BLTP1: variants seen among roughly 807,000 people sequenced by gnomAD.
BLTP1 encodes bridge-like lipid transfer protein family member 1, also known as fragile site-associated protein.
the BLTP1 span, chr4:122,175,895 C>T: frequency 6.5e-7 from 1 of 1,529,006 alleles, no homozygotes; most frequent in Non-Finnish European, 9.0e-7. Context: ...AAATGTATAA[C>T]CCAAAACAGA....
the BLTP1 span, among the ~76,000 whole-genome samples, chr4:122,358,141 T>C: frequency 6.6e-6 from 1 of 152,230 alleles, no homozygotes; most frequent in South Asian, 2.1e-4. Context: ...CAATCCTTTT[T>C]GTTTTTATGC....
At chr4:122,312,739 TC>T in the BLTP1 span, 4 of 554,168 alleles carry the variant, frequency 7.2e-6, no homozygotes, top group Non-Finnish European at 9.2e-6. Context: ...GAAAGATTTT[TC>T]CCTTTTGAAA....
chr4:122,281,807 A>C, the BLTP1 span: 1 of 1,455,836 alleles, frequency 6.9e-7, no homozygotes, highest in Non-Finnish European at 9.1e-7. Flanking sequence ...CTCTCTTAAA[A>C]TTTATGATTT....
At chr4:122,197,895 T>TA in the BLTP1 span, 1 of 826,434 alleles carries the variant, frequency 1.2e-6, no homozygotes, top group African/African-American at 1.8e-5. Flanking sequence ...ATCAAATTGT[T>TA]ATAACTTCAT....
At chr4:122,186,941 C>G in the BLTP1 span, 1 of 856,796 alleles carries the variant, frequency 1.2e-6, no homozygotes, top group African/African-American at 1.8e-5. Flanking sequence ...ATTTTCATTT[C>G]ATTAAGGGAA....
At chr4:122,212,741 C>T in the BLTP1 span, among the ~76,000 whole-genome samples, 1 of 152,050 alleles carries the variant, frequency 6.6e-6, no homozygotes, top group Non-Finnish European at 1.5e-5. Context: ...CAGATGTAGC[C>T]ATTGCTGATA....
the BLTP1 span, chr4:122,197,378 T>A: frequency 3.0e-6 from 3 of 1,012,808 alleles, no homozygotes; most frequent in Non-Finnish European, 4.0e-6. Flanking sequence ...GTTTTCTTTT[T>A]CAGTTTTTTA....
At chr4:122,262,798 G>C in the BLTP1 span, 3 of 1,612,922 alleles carry the variant, frequency 1.9e-6, no homozygotes, top group Non-Finnish European at 2.5e-6. Context: ...AGCTATACCA[G>C]TGGAGACACT....
the BLTP1 span, among the ~76,000 whole-genome samples, chr4:122,311,547 GA>G: frequency 6.6e-6 from 1 of 151,966 alleles, no homozygotes; most frequent in African/African-American, 2.4e-5. Context: ...GGAATGTTAG[GA>G]TTATGCCTTA....
At chr4:122,221,068 G>A in the BLTP1 span, 1 of 979,044 alleles carries the variant, frequency 1.0e-6, no homozygotes. Context: ...ATATGCCCCT[G>A]TCTTACTTTT....
the BLTP1 span, among the ~76,000 whole-genome samples, chr4:122,263,845 A>T: frequency 6.6e-6 from 1 of 152,194 alleles, no homozygotes; most frequent in African/African-American, 2.4e-5. Flanking sequence ...GCTTCCTTTT[A>T]ATGTGGCTGG....
chr4:122,284,077 T>G, the BLTP1 span, among the ~76,000 whole-genome samples: 3 of 152,228 alleles, frequency 2.0e-5, no homozygotes, highest in Admixed American at 6.5e-5. Context: ...TCTTGTGGTG[T>G]TGTAGCTATT....
At chr4:122,232,131 C>A in the BLTP1 span, 3 of 984,956 alleles carry the variant, frequency 3.0e-6, no homozygotes, top group African/African-American at 1.7e-5. Flanking sequence ...GGTTTCAGTG[C>A]TGTAGCTTGT....
At chr4:122,272,079 AAAGGTAAGACAATGTTTGG>A in the BLTP1 span, 1 of 1,504,472 alleles carries the variant, frequency 6.6e-7, no homozygotes, top group Non-Finnish European at 9.0e-7. Context: ...TGAAGGAAAG[AAAGGTAAGACAATGTTTGG>A]AATGTCCTTC....
At chr4:122,250,976 T>G in the BLTP1 span, 1 of 985,312 alleles carries the variant, frequency 1.0e-6, no homozygotes, top group Non-Finnish European at 1.2e-6. Flanking sequence ...TTATTTCAGT[T>G]AAGAGTTCTG....
chr4:122,186,751 A>C, the BLTP1 span, among the ~76,000 whole-genome samples: 32 of 152,074 alleles, frequency 2.1e-4, no homozygotes, highest in Admixed American at 1.3e-4. Context: ...CAGCAAACTT[A>C]GACCTATACT....
chr4:122,291,488 T>C, the BLTP1 span, among the ~76,000 whole-genome samples: 3 of 152,264 alleles, frequency 2.0e-5, no homozygotes, highest in Non-Finnish European at 2.9e-5. Flanking sequence ...TTTTCCATCA[T>C]GTTACGTTTA....
the BLTP1 span, chr4:122,203,901 T>C: frequency 2.2e-6 from 1 of 446,352 alleles, no homozygotes; most frequent in African/African-American, 2.1e-5. Flanking sequence ...AATAACTTTA[T>C]AAAATTATAC....
chr4:122,357,008 C>T, the BLTP1 span: 64 of 984,084 alleles, frequency 6.5e-5, no homozygotes, highest in African/African-American at 1.0e-3. Flanking sequence ...TTAGATCTTA[C>T]AGGAGATTCT....
Sources: gnomAD v4.1 joint callset for allele counts (sites outside exome capture counted in the v4.1 genomes callset) on GRCh38, gnomAD v4.1.1 for gene constraint, MANE v1.5 for transcripts, NCBI Gene and HGNC (gene_info 2026-07-23, HGNC 2026-07-21) for gene names.